Variants in KDM4C observed in about 807,000 individuals in gnomAD.
KDM4C encodes lysine-specific demethylase 4C.
A neutral mutation model predicts 129.3 loss-of-function variants in KDM4C; 81 were observed. The ratio of observed to expected loss-of-function variants is 0.63; its 90% CI spans 0.52 to 0.75. The LOEUF is 0.75. KDM4C is among the 30% of genes least tolerant of loss of function. KDM4C has a pLI of 0.00. For synonymous variants in KDM4C, 573 were observed against 456.1 expected, an observed-to-expected ratio of 1.26 and a Z score of -3.26; for missense variants, 1,457 against 1,304.0, an observed-to-expected ratio of 1.12 and a Z score of -1.81.
chr9:6,925,278 A>T, intron 8 of KDM4C: 2 of 985,212 alleles, frequency 2.0e-6, no homozygotes, highest in Non-Finnish European at 2.4e-6. Context: ...GGTAGTTACT[A>T]TGGGAAAATA....
At chr9:6,789,223 T>TA (rs1459260683) in intron 1 of KDM4C, among the ~76,000 whole-genome samples, 2 of 147,532 alleles carry the variant, frequency 1.4e-5, no homozygotes, top group East Asian at 4.0e-4. Flanking sequence ...GGCTAATTTT[T>TA]TTTTTTTTTT....
At position 6,970,330 on chromosome 9, in the gene KDM4C, G is replaced by A. The variant is rs142211238; in HGVS notation, c.922-10595G>A. Among the ~76,000 whole-genome samples the A allele has an allele frequency of 6.7e-4, 102 of 152,254 alleles. 1 individual carries two copies. In the East Asian group the frequency reaches 0.018, roughly 26 times the overall value. On this transcript the variant is annotated intron_variant, in intron 8 of 21. Transcript: ENST00000381309. ...TTTTTATACTTCTGCCCTCCCTCTT[G>A]TAGTTTACTTACTTATGAACCTTGG... is the stretch of plus-strand genomic sequence containing the variant.
At chr9:6,737,334 CA>C in intron 1 of KDM4C, among the ~76,000 whole-genome samples, 1 of 151,790 alleles carries the variant, frequency 6.6e-6, no homozygotes, top group South Asian at 2.1e-4. Flanking sequence ...AACAAATTAA[CA>C]AGCCAAAAAA....
intron 10 of KDM4C, 142 bp from the exon 11 acceptor site, chr9:6,986,202 G>T: frequency 3.3e-6 from 2 of 613,366 alleles, no homozygotes; most frequent in East Asian, 5.5e-5. Context: ...AATGAGGTTT[G>T]TTTTGTGTGT....
chr9:6,991,943 A>G (rs1461536563), intron 12 of KDM4C, among the ~76,000 whole-genome samples: 1 of 152,216 alleles, frequency 6.6e-6, no homozygotes, highest in Non-Finnish European at 1.5e-5. Flanking sequence ...TCCAGGGTTG[A>G]ATTCTGATTC....
chr9:7,109,285 C>T (rs1264333194), intron 18 of KDM4C, among the ~76,000 whole-genome samples: 1 of 152,164 alleles, frequency 6.6e-6, no homozygotes, highest in Admixed American at 6.5e-5. Context: ...TTTTTATAAA[C>T]ATGAAGATGC....
intron 8 of KDM4C, among the ~76,000 whole-genome samples, chr9:6,921,094 G>T (rs570918294): frequency 6.6e-6 from 1 of 151,662 alleles, no homozygotes; most frequent in Non-Finnish European, 1.5e-5. Context: ...TTCCCTTCTC[G>T]GTCAGTTTTG....
chr9:7,070,187 A>T (rs1833001972), intron 17 of KDM4C, among the ~76,000 whole-genome samples: 1 of 152,220 alleles, frequency 6.6e-6, no homozygotes, highest in South Asian at 2.1e-4. Context: ...ATAGCTAAAT[A>T]AGAAATAGTG....
intron 1 of KDM4C, among the ~76,000 whole-genome samples, chr9:6,749,843 G>T (rs953661513): frequency 6.0e-5 from 9 of 149,506 alleles, no homozygotes; most frequent in African/African-American, 1.7e-4. Context: ...AAAATTAGCC[G>T]GGTGTGGTGG....
intron 1 of KDM4C, among the ~76,000 whole-genome samples, chr9:6,790,134 G>C (rs1408634155): frequency 6.6e-6 from 1 of 150,638 alleles, no homozygotes; most frequent in African/African-American, 2.4e-5. Flanking sequence ...GGCCGGGTGT[G>C]GTGGTGTGAT....
chr9:6,910,975 T>G (rs549314081), intron 8 of KDM4C, among the ~76,000 whole-genome samples: 1 of 152,216 alleles, frequency 6.6e-6, no homozygotes, highest in Non-Finnish European at 1.5e-5. Flanking sequence ...TAGGATCTTT[T>G]CTTAGTTTGA....
At chr9:7,054,103 C>T (rs950216647) in intron 17 of KDM4C, among the ~76,000 whole-genome samples, 10 of 152,206 alleles carry the variant, frequency 6.6e-5, no homozygotes, top group African/African-American at 2.4e-4. Flanking sequence ...AACCCCTTCC[C>T]TGTGCCCTGC....
chr9:7,165,648 C>T (rs1001015711), intron 20 of KDM4C, among the ~76,000 whole-genome samples: 1 of 152,234 alleles, frequency 6.6e-6, no homozygotes, highest in African/African-American at 2.4e-5. Context: ...CCCACTGTTT[C>T]TGTTGTATGG....
chr9:7,066,264 A>G (rs1444467991), intron 17 of KDM4C, among the ~76,000 whole-genome samples: 1 of 152,162 alleles, frequency 6.6e-6, no homozygotes, highest in East Asian at 1.9e-4. Context: ...CATCCCTCTC[A>G]TGGGATTTAC....
intron 19 of KDM4C, among the ~76,000 whole-genome samples, chr9:7,158,066 T>C (rs1159308325): frequency 6.6e-6 from 1 of 152,228 alleles, no homozygotes; most frequent in Non-Finnish European, 1.5e-5. Context: ...ATTTAACTTC[T>C]TCCTGGTTTA....
intron 17 of KDM4C, among the ~76,000 whole-genome samples, chr9:7,068,630 T>A (rs1248292483): frequency 6.6e-6 from 1 of 151,554 alleles, no homozygotes; most frequent in Non-Finnish European, 1.5e-5. Flanking sequence ...CTGGTTTTGG[T>A]TTCTTTGCTG....
intron 4 of KDM4C, chr9:6,835,268 G>A: frequency 1.1e-6 from 1 of 913,160 alleles, no homozygotes; most frequent in South Asian, 1.3e-5. Flanking sequence ...GAATCCTGTG[G>A]CATCCATGAA....
chr9:7,016,927 A>T (rs1040967973), intron 15 of KDM4C, among the ~76,000 whole-genome samples: 6 of 152,084 alleles, frequency 3.9e-5, no homozygotes, highest in East Asian at 1.9e-4. Flanking sequence ...AACTGTGTTC[A>T]TATCCAGTGT....
At position 6,842,635 on chromosome 9, in the gene KDM4C, C is replaced by T. The variant is rs181566128; in HGVS notation, c.436-6872C>T. Among the ~76,000 whole-genome samples the T allele has an allele frequency of 7.5e-3, 1,146 of 152,140 alleles. 10 individuals are homozygous for T. The highest frequency in any genetic ancestry group is 0.014 in the Middle Eastern group (4 of 294). On this transcript the variant is annotated intron_variant, in intron 4 of 21. Transcript: ENST00000381309. The stretch of plus-strand genomic sequence containing the variant: ...ACGGACGTGAGCTACTGCACCAGGA[C>T]TGATCCACATGTTTTTAAAAGTTGG...
Sources: gnomAD v4.1 joint callset for allele counts (sites outside exome capture counted in the v4.1 genomes callset) on GRCh38, gnomAD v4.1.1 for gene constraint, MANE v1.5 for transcripts, NCBI Gene and HGNC (gene_info 2026-07-23, HGNC 2026-07-21) for gene names.